The following EPB41L3 variants were observed in gnomAD, a reference collection of about 807,000 sequenced individuals.
EPB41L3 encodes band 4.1-like protein 3.
In EPB41L3, 57 loss-of-function variants were observed where a neutral mutation model predicts 127.1. The observed-to-expected ratio is 0.45, with a 90% CI of 0.36 to 0.56. The LOEUF (loss-of-function observed/expected upper bound fraction) is 0.56, where lower values mean the gene tolerates loss of function less well. EPB41L3 is among the 20% of genes least tolerant of loss of function. EPB41L3 has a pLI of 0.00. For missense variants in EPB41L3, 1,273 were observed against 1,372.2 expected, an observed-to-expected ratio of 0.93 and a Z score of 1.14; for synonymous variants, 572 against 549.5, an observed-to-expected ratio of 1.04 and a Z score of -0.57.
At position 5,523,529 on chromosome 18, in the gene EPB41L3, T is replaced by C. The variant is rs1248439373; in HGVS notation, c.-12+20384A>G. Among the ~76,000 whole-genome samples the C allele has an allele frequency of 5.9e-5, 9 of 152,368 alleles. No homozygotes were observed. In the South Asian group the frequency reaches 1.9e-3, roughly 32 times the overall value. Reference sequence around the variant, plus strand: ...TTTAATATCTATTGGTCTGGTATGGTGGCTCACGCCTGTTATCCCAGGACT... The same window carrying C: ...TTTAATATCTATTGGTCTGGTATGGCGGCTCACGCCTGTTATCCCAGGACT... On this transcript the variant is annotated intron_variant, in intron 1 of 22. Coordinates refer to ENST00000341928, the MANE Select transcript of EPB41L3 (RefSeq NM_012307.5).
intron 1 of EPB41L3, among the ~76,000 whole-genome samples, chr18:5,523,327 T>C (rs1406000408): frequency 5.3e-5 from 8 of 152,214 alleles, no homozygotes. Flanking sequence ...CTTTGTTTCT[T>C]TTCTTCTTCA....
intron 3 of EPB41L3, among the ~76,000 whole-genome samples, chr18:5,453,996 A>G (rs2082656643): frequency 6.6e-6 from 1 of 152,126 alleles, no homozygotes; most frequent in African/African-American, 2.4e-5. Flanking sequence ...CTTTATTTCT[A>G]AATGACTGCA....
chr18:5,401,434 T>A (rs2074476362), intron 16 of EPB41L3, among the ~76,000 whole-genome samples: 1 of 152,134 alleles, frequency 6.6e-6, no homozygotes, highest in Admixed American at 6.5e-5. Context: ...CATTAAGAAA[T>A]TTTTAAAAAT....
intron 3 of EPB41L3, among the ~76,000 whole-genome samples, chr18:5,595,062 C>G (rs1013060346): frequency 3.3e-5 from 5 of 152,178 alleles, no homozygotes; most frequent in Admixed American, 6.5e-5. Context: ...AATGACCCAG[C>G]TTTTGGCTTC....
At chr18:5,445,516 GGGTGA>G (rs2081348749) in intron 3 of EPB41L3, among the ~76,000 whole-genome samples, 1 of 152,202 alleles carries the variant, frequency 6.6e-6, no homozygotes, top group Non-Finnish European at 1.5e-5. Flanking sequence ...GGTGACCAGT[GGGTGA>G]TTTCTAAATG....
intron 3 of EPB41L3, among the ~76,000 whole-genome samples, chr18:5,564,883 A>G (rs1003414104): frequency 6.6e-6 from 1 of 152,192 alleles, no homozygotes; most frequent in Non-Finnish European, 1.5e-5. Context: ...AAGGTGGCAC[A>G]CAGATACCAG....
At chr18:5,556,403 T>C (rs1352375102) in intron 3 of EPB41L3, among the ~76,000 whole-genome samples, 1 of 152,218 alleles carries the variant, frequency 6.6e-6, no homozygotes, top group African/African-American at 2.4e-5. Context: ...CTGACGACAC[T>C]TTATCTTCCA....
rs78893528 is a variant in EPB41L3 at position 5,584,275 on chromosome 18, G to A, written c.-306+28065C>T. Among the ~76,000 whole-genome samples, 385 of 152,272 alleles carry A rather than the reference G, an allele frequency of 2.5e-3. 1 individual carries two copies. The highest frequency in any genetic ancestry group is 8.7e-3 in the African/African-American group (360 of 41,556). On this transcript the variant is annotated intron_variant, in intron 3 of 21. Coordinates refer to the EPB41L3 transcript ENST00000545076. ...CTAAGGATCAGCTAGGGCCTATGCT[G>A]CAGATCCAACATTCCTTGCATGGAT...
chr18:5,543,948 T>C lies in EPB41L3; in HGVS notation c.-47A>G. ...CAGGGAGCCCGGGCGCGCCGCGGCG[T>C]GGGGACTAGGCTCGGGCGCGCGTCC... is the stretch of plus-strand genomic sequence containing the variant. On this transcript the variant is annotated 5_prime_UTR_variant, in exon 1 of 23. Transcript: ENST00000341928. This position sits in a 1 kb window ranked among gnomAD's most constrained non-coding sequence, Gnocchi z 5.2. The C allele has an allele frequency of 1.0e-6, 1 of 985,218 alleles. No homozygotes were observed. Among genetic ancestry groups the C allele is most frequent in the Non-Finnish European group, 1.2e-6 (1 of 829,980 alleles). The allele number at this position is 985,218 out of a possible 1,614,324, so 61.0% of individuals were successfully genotyped here.
chr18:5,436,912 G>T (rs1278469538), intron 6 of EPB41L3, among the ~76,000 whole-genome samples: 1 of 152,056 alleles, frequency 6.6e-6, no homozygotes, highest in African/African-American at 2.4e-5. Flanking sequence ...ATTTTTAACT[G>T]TAGCAAGTGA....
intron 1 of EPB41L3, among the ~76,000 whole-genome samples, chr18:5,528,214 C>T (rs959479524): frequency 2.0e-5 from 3 of 152,086 alleles, no homozygotes; most frequent in African/African-American, 2.4e-5. Flanking sequence ...GTCACCCAAG[C>T]GTGGAGTGCA....
At position 5,406,945 on chromosome 18, in the gene EPB41L3, G is replaced by A. The variant is rs2075490653; in HGVS notation, c.2181C>T (p.Asp727=). The change falls in exon 16 of 23, where the codon GAC becomes GAT. Residue 727 remains aspartate, a synonymous_variant. Transcript: ENST00000341928. ...KAQELEKTQD[D]LMKHQTNISE... ...TAATGTTGGTTTGATGTTTCATCAG[G>A]TCATCTTGAGTTTTTTCTAGCTCCT... 1 of 1,614,034 alleles carries A rather than the reference G, an allele frequency of 6.2e-7. No individual in the cohort carries two copies. The highest frequency in any genetic ancestry group is 8.5e-7 in the Non-Finnish European group (1 of 1,180,010).
chr18:5,531,948 G>A (rs537398146), intron 1 of EPB41L3, among the ~76,000 whole-genome samples: 1 of 152,180 alleles, frequency 6.6e-6, no homozygotes, highest in South Asian at 2.1e-4. Context: ...TACAAGGAAA[G>A]GCAAGGTACA....
intron 3 of EPB41L3, among the ~76,000 whole-genome samples, chr18:5,603,058 A>G (rs1449096555): frequency 1.3e-5 from 2 of 152,226 alleles, no homozygotes. Context: ...CCTCATAAGC[A>G]TAATTTAGAA....
chr18:5,406,372 C>T (rs2075385606), intron 16 of EPB41L3, among the ~76,000 whole-genome samples: 1 of 152,106 alleles, frequency 6.6e-6, no homozygotes, highest in Non-Finnish European at 1.5e-5. Flanking sequence ...TAAAATTGTC[C>T]TGAAATGCTA....
At chr18:5,502,652 G>A (rs545426940) in intron 1 of EPB41L3, among the ~76,000 whole-genome samples, 9 of 152,276 alleles carry the variant, frequency 5.9e-5, no homozygotes, top group South Asian at 2.1e-4. Flanking sequence ...GAGGGGTGCC[G>A]CTCGAAGCGA....
At chr18:5,401,036 T>G (rs1322339613) in intron 16 of EPB41L3, 1 of 1,534,110 alleles carries the variant, frequency 6.5e-7, no homozygotes, top group Non-Finnish European at 8.7e-7. Context: ...CTCTGTTTCT[T>G]CTTTGGTCTG....
At chr18:5,428,201 T>C in intron 9 of EPB41L3, 112 bp downstream of exon 9, 2 of 1,227,598 alleles carry the variant, frequency 1.6e-6, no homozygotes, top group Non-Finnish European at 2.3e-6. Context: ...GGCACTTAGA[T>C]GTCATTCACT....
At chr18:5,599,076 TA>T (rs2094564021) in intron 3 of EPB41L3, among the ~76,000 whole-genome samples, 1 of 152,230 alleles carries the variant, frequency 6.6e-6, no homozygotes, top group African/African-American at 2.4e-5. Flanking sequence ...AACAAACATG[TA>T]TTATGGAACA....
Sources: gnomAD v4.1 joint callset for allele counts (sites outside exome capture counted in the v4.1 genomes callset) on GRCh38, gnomAD v4.1.1 for gene constraint, Gnocchi (gnomAD v3.1) non-coding constraint, MANE v1.5 for transcripts, NCBI Gene and HGNC (gene_info 2026-07-23, HGNC 2026-07-21) for gene names.